AGBL4: variants seen among roughly 807,000 people sequenced by gnomAD.
AGBL4 encodes cytosolic carboxypeptidase 6.
A neutral mutation model predicts 66.4 loss-of-function variants in AGBL4; 58 were observed. The ratio of observed to expected loss-of-function variants is 0.87; its 90% CI spans 0.71 to 1.09. The LOEUF is 1.09. Ranked by LOEUF, AGBL4 falls within the 50% of genes least tolerant of loss-of-function variation. The pLI, the probability that AGBL4 is intolerant of heterozygous loss-of-function variation, is 0.00. For synonymous variants in AGBL4, 234 were observed against 222.9 expected (o/e 1.05, Z -0.44); for missense variants, 579 against 631.0 (o/e 0.92, Z 0.88).
At chr1:49,630,125 C>T (rs1332760509) in intron 3 of AGBL4, among the ~76,000 whole-genome samples, 2 of 152,072 alleles carry the variant, frequency 1.3e-5, no homozygotes, top group Non-Finnish European at 2.9e-5. Flanking sequence ...TTCAGAGCAT[C>T]ATTATCATAA....
intron 5 of AGBL4, among the ~76,000 whole-genome samples, chr1:49,013,070 C>T (rs1361682879): frequency 6.6e-6 from 1 of 152,146 alleles, no homozygotes; most frequent in Admixed American, 6.5e-5. Flanking sequence ...GATGCTGGTG[C>T]CATGCCCCTG....
rs559194091 is a variant in AGBL4 at position 49,104,445 on chromosome 1, G to A, written c.378-58645C>T. Among the ~76,000 whole-genome samples, 274 of 152,234 alleles carry A rather than the reference G, an allele frequency of 1.8e-3. 1 individual carries two copies. The highest frequency in any genetic ancestry group is 6.4e-3 in the African/African-American group (265 of 41,540). Reference sequence around the variant, plus strand: ...AGATTAGAAAAGCGGACAAAAGCACGAGGATGTAGAAGATGCTTTAATATT... The same window carrying A: ...AGATTAGAAAAGCGGACAAAAGCACAAGGATGTAGAAGATGCTTTAATATT... On this transcript the variant is annotated intron_variant, in intron 4 of 13. Transcript: ENST00000371839.
At chr1:49,423,683 A>T (rs1645594279) in intron 3 of AGBL4, among the ~76,000 whole-genome samples, 1 of 151,758 alleles carries the variant, frequency 6.6e-6, no homozygotes. Context: ...GTGGTGGTAC[A>T]CACCTGTAGT....
chr1:49,136,480 T>C (rs1646013999), intron 4 of AGBL4, among the ~76,000 whole-genome samples: 1 of 152,156 alleles, frequency 6.6e-6, no homozygotes, highest in Non-Finnish European at 1.5e-5. Flanking sequence ...TATTAAATAA[T>C]TATATTTCTA....
At chr1:49,207,525 CTCTT>C (rs1419866370) in intron 4 of AGBL4, among the ~76,000 whole-genome samples, 5 of 106,710 alleles carry the variant, frequency 4.7e-5, no homozygotes, top group African/African-American at 1.0e-4. Flanking sequence ...CTTTCTTTCT[CTCTT>C]TCTTTTTCTT....
intron 11 of AGBL4, chr1:48,585,441 T>C (rs1054791640): frequency 6.6e-6 from 1 of 152,210 alleles, no homozygotes; most frequent in Admixed American, 6.5e-5. Flanking sequence ...TTATAGGAGT[T>C]AGCAGATTCT....
chr1:49,105,631 T>G (rs1413893800), intron 4 of AGBL4, among the ~76,000 whole-genome samples: 1 of 152,186 alleles, frequency 6.6e-6, no homozygotes, highest in East Asian at 1.9e-4. Flanking sequence ...GTCTGCATTC[T>G]GTGTAACTCA....
intron 6 of AGBL4, among the ~76,000 whole-genome samples, chr1:48,769,264 G>A (rs1052390734): frequency 1.3e-5 from 2 of 152,122 alleles, no homozygotes; most frequent in African/African-American, 4.8e-5. Flanking sequence ...CACATAGGGA[G>A]AGAAGGAATT....
At chr1:49,641,061 C>G (rs578187380) in intron 3 of AGBL4, among the ~76,000 whole-genome samples, 1 of 152,096 alleles carries the variant, frequency 6.6e-6, no homozygotes, top group African/African-American at 2.4e-5. Context: ...GCAAATGCAC[C>G]CCGTGAGCCT....
At chr1:49,230,246 T>C (rs1184816898) in intron 4 of AGBL4, among the ~76,000 whole-genome samples, 2 of 152,204 alleles carry the variant, frequency 1.3e-5, no homozygotes, top group East Asian at 1.9e-4. Context: ...CATTTGTTCA[T>C]TGAGAGTTAG....
At chr1:48,626,568 G>T (rs1557837657) in intron 9 of AGBL4, among the ~76,000 whole-genome samples, 1 of 152,214 alleles carries the variant, frequency 6.6e-6, no homozygotes, top group Non-Finnish European at 1.5e-5. Flanking sequence ...ACAGAAAGCT[G>T]GAGCCAGAGG....
At chr1:48,770,059 G>A (rs1214512055) in intron 6 of AGBL4, among the ~76,000 whole-genome samples, 1 of 152,148 alleles carries the variant, frequency 6.6e-6, no homozygotes. Context: ...TCAGCACCAT[G>A]CTAGAAGCCC....
intron 6 of AGBL4, among the ~76,000 whole-genome samples, chr1:48,746,166 T>C (rs1421877807): frequency 6.6e-6 from 1 of 152,096 alleles, no homozygotes; most frequent in African/African-American, 2.4e-5. Flanking sequence ...TTAAATCAGA[T>C]AACTATATAT....
chr1:49,059,697 G>C (rs1644368543), intron 4 of AGBL4, among the ~76,000 whole-genome samples: 1 of 152,200 alleles, frequency 6.6e-6, no homozygotes, highest in African/African-American at 2.4e-5. Flanking sequence ...AGCCACAGGG[G>C]CTTTGGCAGC....
intron 3 of AGBL4, among the ~76,000 whole-genome samples, chr1:49,360,802 G>A (rs1644120151): frequency 6.6e-6 from 1 of 151,968 alleles, no homozygotes. Context: ...ATGTTATTGT[G>A]GTTGTATTTT....
At chr1:48,663,560 T>C (rs1347114810) in intron 6 of AGBL4, among the ~76,000 whole-genome samples, 1 of 152,184 alleles carries the variant, frequency 6.6e-6, no homozygotes, top group Non-Finnish European at 1.5e-5. Flanking sequence ...AACTTGTGTA[T>C]CCTTTCCAAG....
At chr1:49,780,719 G>A (rs1272089961) in intron 2 of AGBL4, among the ~76,000 whole-genome samples, 2 of 151,684 alleles carry the variant, frequency 1.3e-5, no homozygotes, top group African/African-American at 4.8e-5. Context: ...CAACCACTAA[G>A]AAAATAACCA....
chr1:49,803,687 G>A (rs958552447), intron 2 of AGBL4, among the ~76,000 whole-genome samples: 8 of 152,050 alleles, frequency 5.3e-5, no homozygotes, highest in Admixed American at 4.6e-4. Flanking sequence ...TTGCCTCAAC[G>A]TGTCGCTGAC....
chr1:49,562,189 T>C (rs376243067), intron 3 of AGBL4, among the ~76,000 whole-genome samples: 1 of 152,146 alleles, frequency 6.6e-6, no homozygotes, highest in African/African-American at 2.4e-5. Flanking sequence ...TTTGAGTTCA[T>C]TGTAGATTCT....
Sources: gnomAD v4.1 joint callset for allele counts (sites outside exome capture counted in the v4.1 genomes callset) on GRCh38, gnomAD v4.1.1 for gene constraint, MANE v1.5 for transcripts, NCBI Gene and HGNC (gene_info 2026-07-23, HGNC 2026-07-21) for gene names.